Variants in PTPRD observed in about 807,000 individuals in gnomAD.
PTPRD encodes the protein receptor-type tyrosine-protein phosphatase delta.
PTPRD carries 34 observed loss-of-function variants against 214.5 expected under a neutral mutation model. That is an observed-to-expected ratio of 0.16 (90% CI 0.12 to 0.21). The LOEUF (loss-of-function observed/expected upper bound fraction) is 0.21. PTPRD is among the 10% of genes least tolerant of loss of function. The probability of loss-of-function intolerance (pLI) is 1.00; values close to 1 mark genes in which losing one functional copy is unlikely to be tolerated. For synonymous variants in PTPRD, 1,128 were observed against 845.7 expected, an observed-to-expected ratio of 1.33 and a Z score of -5.79; for missense variants, 2,545 against 2,398.7, an observed-to-expected ratio of 1.06 and a Z score of -1.27.
chr9:8,678,869 T>C (rs1198542087), intron 12 of PTPRD, among the ~76,000 whole-genome samples: 5 of 152,172 alleles, frequency 3.3e-5, no homozygotes, highest in Non-Finnish European at 7.3e-5. Flanking sequence ...TAGGGTCCAG[T>C]AGTAGAAAGG....
intron 5 of PTPRD, among the ~76,000 whole-genome samples, chr9:9,803,106 A>G (rs1430266444): frequency 6.6e-6 from 1 of 151,966 alleles, no homozygotes; most frequent in Non-Finnish European, 1.5e-5. Flanking sequence ...ATAATTAGGT[A>G]AATATATTGC....
chr9:9,500,139 G>C (rs777952527), intron 8 of PTPRD, among the ~76,000 whole-genome samples: 6 of 151,926 alleles, frequency 3.9e-5, no homozygotes, highest in Admixed American at 6.6e-5. Flanking sequence ...AGTACTTTTT[G>C]AAAAGCTACT....
chr9:9,743,382 A>G (rs1012480996), intron 6 of PTPRD, among the ~76,000 whole-genome samples: 1 of 152,118 alleles, frequency 6.6e-6, no homozygotes, highest in Non-Finnish European at 1.5e-5. Context: ...TTTCTTATAT[A>G]TAAACAGAAG....
At chr9:8,959,886 G>A (rs1402811701) in intron 11 of PTPRD, among the ~76,000 whole-genome samples, 1 of 151,978 alleles carries the variant, frequency 6.6e-6, no homozygotes, top group East Asian at 1.9e-4. Context: ...ATTAGAGCTT[G>A]GGCATGAAAA....
intron 2 of PTPRD, among the ~76,000 whole-genome samples, chr9:10,513,393 A>G (rs1181434867): frequency 6.6e-6 from 1 of 152,148 alleles, no homozygotes; most frequent in African/African-American, 2.4e-5. Flanking sequence ...GATGTGGTTA[A>G]GAGTGTTTAC....
intron 11 of PTPRD, among the ~76,000 whole-genome samples, chr9:8,843,907 G>C (rs1439864275): frequency 6.6e-6 from 1 of 152,134 alleles, no homozygotes; most frequent in African/African-American, 2.4e-5. Flanking sequence ...GGGATCTTAG[G>C]TTCCTCAGCA....
At chr9:8,484,086 T>C (rs2135750216) in intron 30 of PTPRD, 33 bp downstream of exon 30, 4 of 1,594,236 alleles carry the variant, frequency 2.5e-6, no homozygotes, top group East Asian at 2.2e-5. Context: ...CCTATAATTC[T>C]TTCCTTCAGC....
chr9:10,162,692 T>C (rs1208519643), intron 3 of PTPRD, among the ~76,000 whole-genome samples: 1 of 147,014 alleles, frequency 6.8e-6, no homozygotes. Flanking sequence ...TATATGTGTA[T>C]ATATATACAT....
intron 11 of PTPRD, among the ~76,000 whole-genome samples, chr9:8,750,413 C>T (rs977624989): frequency 2.0e-5 from 3 of 152,074 alleles, no homozygotes; most frequent in African/African-American, 7.2e-5. Flanking sequence ...CCACCTTGGC[C>T]ACCGAAAGTG....
chr9:10,425,117 G>A (rs1278748642), intron 2 of PTPRD, among the ~76,000 whole-genome samples: 2 of 151,834 alleles, frequency 1.3e-5, no homozygotes, highest in African/African-American at 4.8e-5. Context: ...AAGAGTCTTG[G>A]TGTTCATGCT....
intron 10 of PTPRD, among the ~76,000 whole-genome samples, chr9:9,068,682 G>A (rs2099739110): frequency 6.6e-6 from 1 of 152,090 alleles, no homozygotes. Context: ...CGCACTCTCA[G>A]CTCACTGCAG....
chr9:10,212,378 T>C (rs967215898), intron 3 of PTPRD, among the ~76,000 whole-genome samples: 35 of 152,142 alleles, frequency 2.3e-4, no homozygotes, highest in African/African-American at 8.0e-4. Flanking sequence ...AAGTAAATTA[T>C]GAAGAAAAGA....
chr9:9,187,707 G>A (rs768642622), intron 9 of PTPRD, among the ~76,000 whole-genome samples: 1 of 151,766 alleles, frequency 6.6e-6, no homozygotes, highest in Non-Finnish European at 1.5e-5. Context: ...AAATACTACT[G>A]CAACCCACAT....
At chr9:10,063,358 A>G (rs999127868) in intron 3 of PTPRD, among the ~76,000 whole-genome samples, 11 of 152,080 alleles carry the variant, frequency 7.2e-5, no homozygotes, top group Non-Finnish European at 1.6e-4. Flanking sequence ...TCAGTTGTCA[A>G]TATCAAATTG....
intron 7 of PTPRD, among the ~76,000 whole-genome samples, chr9:9,662,880 T>C (rs1169323579): frequency 6.6e-6 from 1 of 151,622 alleles, no homozygotes; most frequent in African/African-American, 2.4e-5. Flanking sequence ...TGATAGATTG[T>C]ACAGTATTTG....
chr9:9,550,968 G>C (rs190744308), intron 8 of PTPRD, among the ~76,000 whole-genome samples: 114 of 151,960 alleles, frequency 7.5e-4, no homozygotes, highest in African/African-American at 2.6e-3. Context: ...TAGAGAAACT[G>C]TATCACTCAT....
At chr9:8,517,758 C>T (rs2097809256) in intron 21 of PTPRD, 90 bp downstream of exon 21, 1 of 1,119,428 alleles carries the variant, frequency 8.9e-7, no homozygotes, top group South Asian at 1.6e-5. Context: ...AAAATTCATA[C>T]CATCTTTGTT....
intron 12 of PTPRD, among the ~76,000 whole-genome samples, chr9:8,721,136 G>A (rs539676945): frequency 6.6e-6 from 1 of 151,366 alleles, no homozygotes; most frequent in South Asian, 2.1e-4. Context: ...AGAAGATAAA[G>A]TGTTTAAACT....
chr9:9,034,375 C>G (rs2099615076), intron 10 of PTPRD, among the ~76,000 whole-genome samples: 1 of 152,092 alleles, frequency 6.6e-6, no homozygotes, highest in South Asian at 2.1e-4. Context: ...TGATGGTGGA[C>G]AAGTTATTTA....
Sources: gnomAD v4.1 joint callset for allele counts (sites outside exome capture counted in the v4.1 genomes callset) on GRCh38, gnomAD v4.1.1 for gene constraint, MANE v1.5 for transcripts, NCBI Gene and HGNC (gene_info 2026-07-23, HGNC 2026-07-21) for gene names.